Variants in CELF4 observed in about 807,000 individuals in gnomAD.
CELF4 encodes CUGBP Elav-like family member 4.
A neutral mutation model predicts 59.9 loss-of-function variants in CELF4; 18 were observed. That is an observed-to-expected ratio of 0.30 (90% CI 0.21 to 0.45). The LOEUF is 0.45. Among genes scored for constraint, CELF4 ranks in the 20% least tolerant of loss-of-function variants. CELF4 has a pLI of 1.00. For missense variants in CELF4, 456 were observed against 689.0 expected, an observed-to-expected ratio of 0.66 and a Z score of 3.79; for synonymous variants, 261 against 267.1, an observed-to-expected ratio of 0.98 and a Z score of 0.22.
At chr18:37,291,208 A>G (rs556690858) in intron 3 of CELF4, among the ~76,000 whole-genome samples, 2 of 152,236 alleles carry the variant, frequency 1.3e-5, no homozygotes, top group Admixed American at 1.3e-4. Flanking sequence ...CGTGCCTGGC[A>G]ATTTTCAGTT....
At chr18:37,392,536 T>C (rs2099174005) in intron 2 of CELF4, among the ~76,000 whole-genome samples, 1 of 152,198 alleles carries the variant, frequency 6.6e-6, no homozygotes, top group Non-Finnish European at 1.5e-5. Flanking sequence ...GGCCATGCTC[T>C]GCCTTCCCTC....
At chr18:37,555,979 TGA>T (rs1375766438) in intron 1 of CELF4, among the ~76,000 whole-genome samples, 2 of 152,264 alleles carry the variant, frequency 1.3e-5, no homozygotes, top group African/African-American at 4.8e-5. Context: ...TGTGTGTGTG[TGA>T]GTCTGTTTTG....
rs543812144 is a variant in CELF4, at chr18:37,313,833, G to A, written c.448+7970C>T. On this transcript the variant is annotated intron_variant, in intron 3 of 12. Coordinates refer to ENST00000420428, the MANE Select transcript of CELF4 (RefSeq NM_020180.4). ...CGGCCACGGGTTTATGGTGGGGAAC[G>A]TGGCCTCAGGGAGGGCCTGGGAGCC... Among the ~76,000 whole-genome samples, 7 of 152,370 alleles carry A rather than the reference G, an allele frequency of 4.6e-5. No individual in the cohort carries two copies. The East Asian group carries it at 9.6e-4, about 21-fold the overall frequency.
intron 2 of CELF4, among the ~76,000 whole-genome samples, chr18:37,394,280 G>A (rs983981414): frequency 5.9e-5 from 9 of 152,250 alleles, no homozygotes; most frequent in African/African-American, 1.9e-4. Context: ...GGAGAGGGAC[G>A]CGGGGCGGGA....
At chr18:37,484,297 G>A (rs2099876503) in intron 2 of CELF4, among the ~76,000 whole-genome samples, 1 of 152,226 alleles carries the variant, frequency 6.6e-6, no homozygotes, top group Non-Finnish European at 1.5e-5. Context: ...ATGGGGCGAT[G>A]TGAGGCATAT....
intron 2 of CELF4, among the ~76,000 whole-genome samples, chr18:37,380,418 C>T (rs976410075): frequency 6.6e-6 from 1 of 152,198 alleles, no homozygotes; most frequent in Non-Finnish European, 1.5e-5. Context: ...CCACTCACGT[C>T]CTTCTCTGTA....
At chr18:37,285,466 G>A (rs1331550606) in intron 3 of CELF4, among the ~76,000 whole-genome samples, 3 of 152,352 alleles carry the variant, frequency 2.0e-5, no homozygotes, top group African/African-American at 4.8e-5. Flanking sequence ...TTGTAGGGGT[G>A]CCTTTGAGGG....
At chr18:37,258,310 C>T (rs1005898901) in intron 11 of CELF4, among the ~76,000 whole-genome samples, 9 of 151,540 alleles carry the variant, frequency 5.9e-5, no homozygotes, top group Admixed American at 1.3e-4. Context: ...ACCACACCCC[C>T]GCGCCTGGTC....
At position 37,389,914 on chromosome 18, in the gene CELF4, C is replaced by A. The variant is rs931644405; in HGVS notation, c.370-68033G>T. Reference sequence around the variant, plus strand: ...CTCACTCAGGGACACTGTCAGGAAGCAGTCTGGACTCCTCACGCTCACTCA... The same window carrying A: ...CTCACTCAGGGACACTGTCAGGAAGAAGTCTGGACTCCTCACGCTCACTCA... On this transcript the variant is annotated intron_variant, in intron 2 of 12. Transcript: ENST00000420428. Among the ~76,000 whole-genome samples, 12 of 152,326 alleles carry A rather than the reference C, an allele frequency of 7.9e-5. 1 individual carries two copies. The highest frequency in any genetic ancestry group is 4.1e-4 in the South Asian group (2 of 4,824).
chr18:37,424,760 C>G (rs1786789), intron 2 of CELF4, among the ~76,000 whole-genome samples: 39,941 of 152,042 alleles, frequency 0.26, 5,508 homozygotes, highest in Middle Eastern at 0.41. Context: ...GCCTCCTCCC[C>G]CTACCCTTCT....
intron 3 of CELF4, among the ~76,000 whole-genome samples, chr18:37,288,652 C>G (rs996437810): frequency 4.6e-5 from 7 of 152,200 alleles, no homozygotes; most frequent in Admixed American, 4.6e-4. Flanking sequence ...AGAGGATGGT[C>G]ATGAGGCCCT....
At chr18:37,275,283 C>T (rs757438685) in intron 3 of CELF4, 40 bp from the exon 4 acceptor site, 1 of 1,535,900 alleles carries the variant, frequency 6.5e-7, no homozygotes, top group Non-Finnish European at 8.8e-7. Flanking sequence ...GGCCAGGGAC[C>T]GGGCTGCGCG....
At position 37,344,206 on chromosome 18, in the gene CELF4, G is replaced by A. The variant is rs144141856; in HGVS notation, c.370-22325C>T. Among the ~76,000 whole-genome samples, 1,074 of 152,328 alleles carry A rather than the reference G, an allele frequency of 7.1e-3. 15 individuals carry two copies. The highest frequency in any genetic ancestry group is 0.024 in the African/African-American group (1,003 of 41,560). ...GGGCTGGGCATCCACAGTAACACCA[G>A]GTAAAAACCAGATCATTGAGGAGCA... On this transcript the variant is annotated intron_variant, in intron 2 of 12. Coordinates refer to ENST00000420428, the MANE Select transcript of CELF4 (RefSeq NM_020180.4).
At chr18:37,525,350 A>AGCCCC (rs1427448298) in intron 1 of CELF4, among the ~76,000 whole-genome samples, 3 of 152,174 alleles carry the variant, frequency 2.0e-5, no homozygotes, top group Non-Finnish European at 4.4e-5. Context: ...TCCAGACAAT[A>AGCCCC]GCCCCGTGTT....
chr18:37,506,072 C>A (rs555108158), intron 1 of CELF4, among the ~76,000 whole-genome samples: 2 of 151,804 alleles, frequency 1.3e-5, no homozygotes, highest in East Asian at 3.9e-4. Context: ...CCTCCCCTCC[C>A]ACCCCCAACG....
chr18:37,261,099 C>T (rs72900312), intron 10 of CELF4, among the ~76,000 whole-genome samples: 22,491 of 152,102 alleles, frequency 0.15, 2,094 homozygotes, highest in Non-Finnish European at 0.21. Context: ...CCAGCCTCTC[C>T]CTGCTCATGC....
At chr18:37,373,658 G>C (rs652809) in intron 2 of CELF4, among the ~76,000 whole-genome samples, 130,697 of 152,246 alleles carry the variant, frequency 0.86, 56,327 homozygotes, top group East Asian at 0.93. Context: ...AGCGAGCCAG[G>C]TCTAGAGTGG....
intron 12 of CELF4, among the ~76,000 whole-genome samples, chr18:37,251,726 A>T (rs149830947): frequency 6.3e-4 from 96 of 152,260 alleles, no homozygotes; most frequent in African/African-American, 2.1e-3. Context: ...CTCCATTCCT[A>T]TGGAAATGCC....
At chr18:37,425,688 C>T (rs2099607602) in intron 2 of CELF4, among the ~76,000 whole-genome samples, 1 of 152,248 alleles carries the variant, frequency 6.6e-6, no homozygotes, top group East Asian at 1.9e-4. Context: ...AAGCAGGTTC[C>T]TTTGGAGACT....
Sources: gnomAD v4.1 joint callset for allele counts (sites outside exome capture counted in the v4.1 genomes callset) on GRCh38, gnomAD v4.1.1 for gene constraint, MANE v1.5 for transcripts, NCBI Gene and HGNC (gene_info 2026-07-23, HGNC 2026-07-21) for gene names.